The following GSE1 variants were observed in gnomAD, a reference collection of about 807,000 sequenced individuals.
GSE1 encodes Gse1 coiled-coil protein.
A neutral mutation model predicts 112.6 loss-of-function variants in GSE1; 32 were observed. The ratio of observed to expected loss-of-function variants is 0.28; its 90% CI spans 0.21 to 0.38. The LOEUF is 0.38. Among genes scored for constraint, GSE1 ranks in the 10% least tolerant of loss-of-function variants. The probability of loss-of-function intolerance (pLI) is 1.00; values close to 1 mark genes in which losing one functional copy is unlikely to be tolerated. For synonymous variants in GSE1, 1,115 were observed against 735.6 expected, an observed-to-expected ratio of 1.52 and a Z score of -8.35; for missense variants, 2,348 against 1,699.2, an observed-to-expected ratio of 1.38 and a Z score of -6.71.
intron 2 of GSE1, among the ~76,000 whole-genome samples, chr16:85,635,704 G>A (rs73271261): frequency 2.6e-5 from 4 of 152,178 alleles, no homozygotes; most frequent in Admixed American, 6.5e-5. Context: ...CCGAGGCCAC[G>A]GGCGGCACGT....
intron 1 of GSE1, among the ~76,000 whole-genome samples, chr16:85,266,593 C>G (rs1157542157): frequency 6.6e-6 from 1 of 152,126 alleles, no homozygotes; most frequent in Non-Finnish European, 1.5e-5. Context: ...AGGGATGGAT[C>G]TGGTGCAGAG....
intron 1 of GSE1, among the ~76,000 whole-genome samples, chr16:85,629,477 A>C (rs1458922491): frequency 6.6e-6 from 1 of 152,232 alleles, no homozygotes; most frequent in Non-Finnish European, 1.5e-5. Context: ...TCAGCCACCC[A>C]GCCTGCACCG....
intron 2 of GSE1, among the ~76,000 whole-genome samples, chr16:85,645,529 T>A (rs2050781472): frequency 6.6e-6 from 1 of 152,120 alleles, no homozygotes; most frequent in South Asian, 2.1e-4. Context: ...GGAGCACCTT[T>A]GGGAGAGCAA....
In GSE1 at chr16:85,319,350, G is replaced by A. The variant is rs530678563; in HGVS notation, c.2284-38113G>A. ...GGAAGCCTCTGGATCGAGTCCCGTC[G>A]TAACCAGGCTGCAGTGAGCCGGGCA... On this transcript the variant is annotated intron_variant, in intron 1 of 2. Coordinates refer to the GSE1 transcript ENST00000637419. Among the ~76,000 whole-genome samples, 16 of 152,308 alleles carry A rather than the reference G, an allele frequency of 1.1e-4. 1 individual carries two copies. The South Asian group carries it at 3.1e-3, about 30-fold the overall frequency.
intron 1 of GSE1, among the ~76,000 whole-genome samples, chr16:85,289,055 C>T (rs965929373): frequency 6.6e-6 from 1 of 152,188 alleles, no homozygotes; most frequent in Non-Finnish European, 1.5e-5. Context: ...CAGCTCTCAC[C>T]ACCTACCTCT....
chr16:85,552,328 CTTTTT>C (rs1195413161), upstream of GSE1, among the ~76,000 whole-genome samples: 2 of 47,744 alleles, frequency 4.2e-5, no homozygotes, highest in Non-Finnish European at 9.2e-5. Context: ...CCCGCCCCTC[CTTTTT>C]TTTTTTTTTT....
chr16:85,187,365 G>C (rs1051719801), intron 1 of GSE1, among the ~76,000 whole-genome samples: 2 of 152,240 alleles, frequency 1.3e-5, no homozygotes, highest in African/African-American at 4.8e-5. Context: ...GCAGCTTCAG[G>C]CTGCGCCAAG....
At chr16:85,346,795 G>A (rs1220085812) in intron 1 of GSE1, among the ~76,000 whole-genome samples, 1 of 146,526 alleles carries the variant, frequency 6.8e-6, no homozygotes, top group African/African-American at 2.5e-5. Flanking sequence ...GGATGGACAG[G>A]TAGATGGATG....
rs766965767 is a variant in GSE1 at position 85,663,334 on chromosome 16, C to T, written c.2374-10C>T. 13 of 1,613,056 alleles carry T rather than the reference C, an allele frequency of 8.1e-6. No homozygotes were observed. The highest frequency in any genetic ancestry group is 8.5e-6 in the Non-Finnish European group (10 of 1,179,722). Reference sequence around the variant, plus strand: ...GGCTTCAAACTCATTTGTTTTCTTTCCCAATCTAGAAGCTAGAGTTTTTGC... The same window carrying T: ...GGCTTCAAACTCATTTGTTTTCTTTTCCAATCTAGAAGCTAGAGTTTTTGC... On this transcript the variant is annotated splice_polypyrimidine_tract_variant and intron_variant, in intron 10 of 15. Transcript: ENST00000253458.
intron 1 of GSE1, among the ~76,000 whole-genome samples, chr16:85,614,319 C>A (rs1180920696): frequency 6.6e-6 from 1 of 152,112 alleles, no homozygotes; most frequent in Admixed American, 6.5e-5. Flanking sequence ...GACACCTCCT[C>A]GGCCGCCCGC....
intron 2 of GSE1, among the ~76,000 whole-genome samples, chr16:85,470,431 G>T (rs901337693): frequency 6.6e-6 from 1 of 152,216 alleles, no homozygotes; most frequent in Non-Finnish European, 1.5e-5. Context: ...GCTGGGATCC[G>T]TGTCTCTTTC....
intron 2 of GSE1, among the ~76,000 whole-genome samples, chr16:85,503,555 G>A (rs567775617): frequency 3.3e-5 from 5 of 152,258 alleles, no homozygotes; most frequent in African/African-American, 4.8e-5. Flanking sequence ...TACGGCCCAC[G>A]GAGCTCTGAT....
At chr16:85,443,003 G>A (rs1395269714) in intron 2 of GSE1, among the ~76,000 whole-genome samples, 1 of 152,220 alleles carries the variant, frequency 6.6e-6, no homozygotes, top group Non-Finnish European at 1.5e-5. Flanking sequence ...CGTCCTCCCT[G>A]TGAGCTCTGT....
At chr16:85,249,453 G>C (rs1274698623) in intron 1 of GSE1, among the ~76,000 whole-genome samples, 1 of 152,248 alleles carries the variant, frequency 6.6e-6, no homozygotes, top group East Asian at 1.9e-4. Context: ...CCGTCAGCCC[G>C]TTTCAGACTG....
intron 1 of GSE1, among the ~76,000 whole-genome samples, chr16:85,604,408 C>T (rs965705675): frequency 5.9e-5 from 9 of 152,190 alleles, no homozygotes; most frequent in African/African-American, 2.2e-4. Flanking sequence ...ATCTATCCAT[C>T]ATCTGATGGA....
chr16:85,401,413 C>T (rs1368175647), intron 2 of GSE1, among the ~76,000 whole-genome samples: 1 of 152,162 alleles, frequency 6.6e-6, no homozygotes, highest in African/African-American at 2.4e-5. Context: ...GATGCTGCTG[C>T]CCCAGCGGGA....
chr16:85,554,245 G>A (rs1231198210), upstream of GSE1, among the ~76,000 whole-genome samples: 1 of 152,186 alleles, frequency 6.6e-6, no homozygotes, highest in African/African-American at 2.4e-5. Context: ...TGGTTTGGCG[G>A]CAGGGTTTTT....
At chr16:85,469,570 C>T (rs1368718515) in intron 2 of GSE1, among the ~76,000 whole-genome samples, 2 of 152,188 alleles carry the variant, frequency 1.3e-5, no homozygotes, top group African/African-American at 4.8e-5. Context: ...ACCTTTTCCC[C>T]ACCTTACATG....
rs1437431632 is a variant in GSE1, at chr16:85,373,247, G to A, written c.2464+15604G>A. 1.3e-5 allele frequency among the ~76,000 whole-genome samples: 2 copies of A among 152,202 alleles called. No individual in the cohort carries two copies. Among genetic ancestry groups the A allele is most frequent in the East Asian group, 1.9e-4 (1 of 5,192 alleles). On this transcript the variant is annotated intron_variant, in intron 2 of 2. Transcript: ENST00000637419. The surrounding 1 kb of genome is among the most constrained non-coding windows in gnomAD (Gnocchi z 5.1). ...CTCGAGGTGCTCCCAGGGATGGATC[G>A]CTCCATGCTGGGATCCCCCACTCTC...
Sources: gnomAD v4.1 joint callset for allele counts (sites outside exome capture counted in the v4.1 genomes callset) on GRCh38, gnomAD v4.1.1 for gene constraint, Gnocchi (gnomAD v3.1) non-coding constraint, MANE v1.5 for transcripts, NCBI Gene and HGNC (gene_info 2026-07-23, HGNC 2026-07-21) for gene names.